Variants in OGDH observed in about 807,000 individuals in gnomAD.
The protein encoded by OGDH is 2-oxoglutarate dehydrogenase complex component E1.
Under a neutral mutation model 116.6 loss-of-function variants are expected in OGDH, and 38 were observed. That is an observed-to-expected ratio of 0.33 (90% confidence interval 0.25 to 0.43). The LOEUF (loss-of-function observed/expected upper bound fraction) is 0.43, where lower values mean the gene tolerates loss of function less well. Among genes scored for constraint, OGDH ranks in the 20% least tolerant of loss-of-function variants. The pLI is 1.00. For synonymous variants in OGDH, 488 were observed against 533.3 expected, an observed-to-expected ratio of 0.92 and a Z score of 1.17; for missense variants, 825 against 1,357.2, an observed-to-expected ratio of 0.61 and a Z score of 6.16.
Position 44,707,847 on chromosome 7 carries a change from T to C in OGDH, c.2952-32T>C, listed in dbSNP as rs772690751. The stretch of plus-strand genomic sequence containing the variant: ...TGGGCTGGGCCAACTCAGTGTCCCC[T>C]GCCCTCACTGCCCCCTCCCTCCATC... On this transcript the variant is annotated intron_variant, in intron 22 of 22. Coordinates refer to ENST00000222673, the MANE Select transcript of OGDH (RefSeq NM_002541.4). The surrounding 1 kb of genome is among the most constrained non-coding windows in gnomAD (Gnocchi z 5.2). 4 of 1,609,486 alleles carry C rather than the reference T, an allele frequency of 2.5e-6. No individual in the cohort carries two copies. In the South Asian group the frequency reaches 3.3e-5, roughly 13 times the overall value.
chr7:44,672,529 G>T (rs866095508), intron 5 of OGDH, among the ~76,000 whole-genome samples: 4 of 152,036 alleles, frequency 2.6e-5, no homozygotes, highest in Admixed American at 2.0e-4. Flanking sequence ...CTGACTTGCA[G>T]TTTGCTCTCA....
chr7:44,674,296 C>T (rs892275895), intron 6 of OGDH, 115 bp from the exon 7 acceptor site: 16 of 1,288,616 alleles, frequency 1.2e-5, no homozygotes, highest in South Asian at 5.3e-5. Flanking sequence ...CTGCCCACCT[C>T]GGCCTCCCAA....
intron 1 of OGDH, among the ~76,000 whole-genome samples, chr7:44,614,498 T>G (rs2107768): frequency 6.6e-6 from 1 of 151,630 alleles, no homozygotes; most frequent in Non-Finnish European, 1.5e-5. Context: ...CCAATGACAT[T>G]AATATTAGAT....
intron 1 of OGDH, among the ~76,000 whole-genome samples, chr7:44,621,282 C>A (rs551720500): frequency 3.7e-4 from 56 of 152,076 alleles, no homozygotes; most frequent in African/African-American, 1.3e-3. Context: ...CTATGTTGCC[C>A]GGGCTGGTCT....
intron 3 of OGDH, 94 bp from the exon 4 acceptor site, chr7:44,647,563 T>C (rs769796342): frequency 2.6e-6 from 4 of 1,563,512 alleles, no homozygotes; most frequent in Non-Finnish European, 2.6e-6. Context: ...ATGCTAATTT[T>C]AATGTAATTT....
At chr7:44,661,065 A>G (rs1002203079) in intron 4 of OGDH, among the ~76,000 whole-genome samples, 13 of 152,194 alleles carry the variant, frequency 8.5e-5, no homozygotes, top group Admixed American at 5.2e-4. Context: ...CTTCAGCTAT[A>G]AATGTGGGTT....
At chr7:44,682,800 C>G (rs1347873491) in intron 10 of OGDH, among the ~76,000 whole-genome samples, 2 of 151,910 alleles carry the variant, frequency 1.3e-5, no homozygotes, top group African/African-American at 4.8e-5. Flanking sequence ...CTGCAGTGAG[C>G]CATGATTATG....
At position 44,707,408 on chromosome 7, in the gene OGDH, T is replaced by G. The variant is rs1416653296; in HGVS notation, c.2796+20T>G. On this transcript the variant is annotated intron_variant, in intron 21 of 22. Coordinates refer to ENST00000222673, the MANE Select transcript of OGDH (RefSeq NM_002541.4). This position sits in a 1 kb window ranked among gnomAD's most constrained non-coding sequence, Gnocchi z 5.2. ...GAGCAGGTGAGGGCAGGTGGTGCCA[T>G]CAGGGTGTCCCCCCAGCGGGGGTCA... 1.2e-5 allele frequency: 20 copies of G among 1,613,656 alleles called. No homozygotes were observed. The African/African-American group carries it at 2.7e-4, about 22-fold the overall frequency.
intron 20 of OGDH, among the ~76,000 whole-genome samples, chr7:44,705,579 C>T (rs1356978587): frequency 6.6e-6 from 1 of 152,136 alleles, no homozygotes; most frequent in Non-Finnish European, 1.5e-5. Context: ...GACAGAGTCT[C>T]ACTCTGTCAT....
rs77752668 is a variant in OGDH at position 44,657,300 on chromosome 7, C to T, written c.518-9436C>T. Among the ~76,000 whole-genome samples, 877 of 152,328 alleles carry T rather than the reference C, an allele frequency of 5.8e-3. 9 individuals carry two copies. Among genetic ancestry groups the T allele is most frequent in the African/African-American group, 0.019 (800 of 41,564 alleles). On this transcript the variant is annotated intron_variant, in intron 4 of 22. Coordinates refer to ENST00000222673, the MANE Select transcript of OGDH (RefSeq NM_002541.4). ...CCCTGGCAACCACTATTTTGTTCTCCATTTCTGAAATTGTCATTTCAGGAA... is the reference window on the plus strand; with the variant it reads ...CCCTGGCAACCACTATTTTGTTCTCTATTTCTGAAATTGTCATTTCAGGAA...
chr7:44,672,756 C>T (rs1787524469), intron 5 of OGDH, among the ~76,000 whole-genome samples: 1 of 151,448 alleles, frequency 6.6e-6, no homozygotes, highest in South Asian at 2.1e-4. Context: ...GATTCTCCTG[C>T]GTCAGCCTCC....
chr7:44,614,141 A>G (rs2117228795), intron 1 of OGDH, among the ~76,000 whole-genome samples: 1 of 150,902 alleles, frequency 6.6e-6, no homozygotes, highest in East Asian at 2.0e-4. Flanking sequence ...TTTTGTAGAT[A>G]TAGGGTCTTG....
chr7:44,703,715 CA>C (rs1375367775), intron 20 of OGDH, among the ~76,000 whole-genome samples: 1 of 150,766 alleles, frequency 6.6e-6, no homozygotes. Flanking sequence ...GACTCCGTCT[CA>C]AAAAAAATAA....
chr7:44,686,652 A>G (rs1443796423), intron 10 of OGDH, among the ~76,000 whole-genome samples: 3 of 149,902 alleles, frequency 2.0e-5, no homozygotes. Flanking sequence ...CTGGGCTTAC[A>G]GTTTTCTTTG....
chr7:44,639,986 G>A (rs752267983), intron 2 of OGDH, among the ~76,000 whole-genome samples: 4 of 152,198 alleles, frequency 2.6e-5, no homozygotes, highest in Admixed American at 1.3e-4. Flanking sequence ...ACCTGGAGTT[G>A]TATTCCAAGC....
In OGDH at chr7:44,669,145, CTTTTTTTTT is replaced by C. The variant is rs869250474; in HGVS notation, c.633+2311_633+2319del. ...GAGTCCCCTGTGGGGAGCCCGGCAGCTTTTTTTTTTTTTTTTTTTTTTTTTGAGACAGGG... is the reference window on the plus strand; with the variant it reads ...GAGTCCCCTGTGGGGAGCCCGGCAGCTTTTTTTTTTTTTTTTGAGACAGGG... On this transcript the variant is annotated intron_variant, in intron 5 of 22. Coordinates refer to ENST00000222673, the MANE Select transcript of OGDH (RefSeq NM_002541.4). Among the ~76,000 whole-genome samples the C allele has an allele frequency of 5.7e-4, 44 of 77,810 alleles. 1 individual carries two copies. Among genetic ancestry groups the C allele is most frequent in the African/African-American group, 3.0e-3 (41 of 13,678 alleles). 51.0% of individuals were successfully genotyped at this position (77,810 alleles called of 152,430 possible).
At chr7:44,674,045 G>A in intron 6 of OGDH, 104 bp downstream of exon 6, 4 of 1,365,546 alleles carry the variant, frequency 2.9e-6, no homozygotes, top group Non-Finnish European at 4.1e-6. Context: ...AGGTGAGAGG[G>A]GGTTTGGGGT....
chr7:44,634,009 C>T (rs1232195602), intron 2 of OGDH, among the ~76,000 whole-genome samples: 1 of 152,176 alleles, frequency 6.6e-6, no homozygotes, highest in African/African-American at 2.4e-5. Flanking sequence ...CAAACCACCT[C>T]AAAACTTGGC....
At chr7:44,695,565 T>C (rs1788545019) in intron 12 of OGDH, among the ~76,000 whole-genome samples, 1 of 151,938 alleles carries the variant, frequency 6.6e-6, no homozygotes, top group South Asian at 2.1e-4. Flanking sequence ...TTGCTGGGCG[T>C]GGTGGCACGC....
Sources: allele counts gnomAD v4.1 joint callset (sites outside exome capture counted in the v4.1 genomes callset), GRCh38; gene constraint gnomAD v4.1.1; non-coding constraint Gnocchi (gnomAD v3.1); transcripts MANE v1.5; gene names NCBI Gene and HGNC (gene_info 2026-07-23, HGNC 2026-07-21).